Variants in RIMS1 observed in about 807,000 individuals in gnomAD.
RIMS1 encodes regulating synaptic membrane exocytosis 1.
In RIMS1, 83 loss-of-function variants were observed where a neutral mutation model predicts 214.1. The observed-to-expected ratio is 0.39, with a 90% CI of 0.32 to 0.47. The LOEUF (loss-of-function observed/expected upper bound fraction) is 0.47, where lower values mean the gene tolerates loss of function less well. Among genes scored for constraint, RIMS1 ranks in the 20% least tolerant of loss-of-function variants. The probability of loss-of-function intolerance (pLI) is 0.99; values close to 1 mark genes in which losing one functional copy is unlikely to be tolerated. For synonymous variants in RIMS1, 793 were observed against 786.8 expected (o/e 1.01, Z -0.13); for missense variants, 2,050 against 2,161.8 (o/e 0.95, Z 1.03).
chr6:72,140,777 C>T (rs913646563), intron 4 of RIMS1, among the ~76,000 whole-genome samples: 15 of 151,990 alleles, frequency 9.9e-5, no homozygotes, highest in African/African-American at 2.2e-4. Flanking sequence ...AGTTCAATTT[C>T]GTATTTCTGT....
intron 4 of RIMS1, among the ~76,000 whole-genome samples, chr6:72,114,458 T>A (rs1418701738): frequency 6.6e-6 from 1 of 152,006 alleles, no homozygotes; most frequent in East Asian, 1.9e-4. Context: ...TAAAATAAGA[T>A]CATTTGATTA....
intron 28 of RIMS1, among the ~76,000 whole-genome samples, chr6:72,332,123 T>C (rs1486977201): frequency 1.3e-5 from 2 of 151,866 alleles, no homozygotes; most frequent in African/African-American, 2.4e-5. Context: ...TTTATAATCA[T>C]ATTAGGATTT....
At chr6:72,150,261 G>A (rs2043355467) in intron 4 of RIMS1, among the ~76,000 whole-genome samples, 1 of 152,122 alleles carries the variant, frequency 6.6e-6, no homozygotes, top group South Asian at 2.1e-4. Flanking sequence ...AACAATTATG[G>A]AAAGGTAGGT....
intron 1 of RIMS1, among the ~76,000 whole-genome samples, chr6:71,918,507 A>G (rs910374914): frequency 6.6e-5 from 10 of 152,208 alleles, no homozygotes; most frequent in Admixed American, 3.9e-4. Flanking sequence ...AAAGAATGTG[A>G]AATTGCAAAG....
intron 1 of RIMS1, 52 bp from the exon 2 acceptor site, chr6:71,968,931 T>A (rs1795133987): frequency 2.0e-6 from 3 of 1,497,588 alleles, no homozygotes; most frequent in Non-Finnish European, 2.8e-6. Context: ...CTAGATGTGT[T>A]CTACCCTTTT....
At chr6:72,190,188 G>A (rs533560473) in intron 6 of RIMS1, among the ~76,000 whole-genome samples, 4 of 152,234 alleles carry the variant, frequency 2.6e-5, no homozygotes, top group South Asian at 2.1e-4. Context: ...AGTAGGCTGG[G>A]GAAGCTGGCT....
Position 71,912,913 on chromosome 6 carries a change from A to G in RIMS1, c.164+25726A>G, listed in dbSNP as rs138316227. Among the ~76,000 whole-genome samples, 185 of 152,274 alleles carry G rather than the reference A, an allele frequency of 1.2e-3. 2 individuals carry two copies. The highest frequency in any genetic ancestry group is 4.4e-3 in the African/African-American group (182 of 41,564). On this transcript the variant is annotated intron_variant, in intron 1 of 33. Transcript: ENST00000521978. ...CAAAAGACCAATACCTTTATTTCAA[A>G]ATTCTAAGTAAAAACAAATGTGAAA...
chr6:72,323,313 G>A (rs2064400), intron 28 of RIMS1, among the ~76,000 whole-genome samples: 13,396 of 151,902 alleles, frequency 0.088, 733 homozygotes, highest in East Asian at 0.14. Context: ...GGACTACCTG[G>A]CTAAACACTA....
intron 4 of RIMS1, among the ~76,000 whole-genome samples, chr6:72,104,781 T>C (rs994844501): frequency 6.6e-6 from 1 of 152,202 alleles, no homozygotes; most frequent in African/African-American, 2.4e-5. Context: ...TCAGATACTT[T>C]AAATGACTGT....
chr6:72,102,747 C>T (rs1335846347), intron 4 of RIMS1, among the ~76,000 whole-genome samples: 2 of 152,044 alleles, frequency 1.3e-5, no homozygotes, highest in Non-Finnish European at 2.9e-5. Context: ...CTCTCAAAGA[C>T]TCAACTCTTA....
chr6:72,053,295 G>T (rs1023782217), intron 2 of RIMS1, among the ~76,000 whole-genome samples: 4 of 152,092 alleles, frequency 2.6e-5, no homozygotes, highest in Admixed American at 2.6e-4. Context: ...CCTTCAATCT[G>T]ATTTTTTAGA....
chr6:72,289,845 A>G (rs755480218), intron 24 of RIMS1, among the ~76,000 whole-genome samples: 1 of 152,118 alleles, frequency 6.6e-6, no homozygotes, highest in South Asian at 2.1e-4. Flanking sequence ...AGGTGTTTTA[A>G]TCATGCATTT....
intron 2 of RIMS1, among the ~76,000 whole-genome samples, chr6:72,010,109 A>G (rs1006610535): frequency 3.0e-4 from 46 of 152,148 alleles, no homozygotes; most frequent in Non-Finnish European, 5.1e-4. Context: ...GAATCCAGCA[A>G]CACATCAAAA....
chr6:72,194,819 A>C (rs1199873034), intron 6 of RIMS1, among the ~76,000 whole-genome samples: 1 of 152,118 alleles, frequency 6.6e-6, no homozygotes, highest in East Asian at 1.9e-4. Context: ...AAAAATTGAG[A>C]TTAACAACCA....
At chr6:72,386,706 A>G (rs1177223411) in intron 29 of RIMS1, among the ~76,000 whole-genome samples, 1 of 145,452 alleles carries the variant, frequency 6.9e-6, no homozygotes, top group African/African-American at 2.5e-5. Flanking sequence ...TATCAGCGAT[A>G]TTGTATCTTC....
intron 2 of RIMS1, among the ~76,000 whole-genome samples, chr6:72,092,489 T>A (rs1274466156): frequency 6.6e-6 from 1 of 152,122 alleles, no homozygotes; most frequent in Non-Finnish European, 1.5e-5. Context: ...AGTTATAGAC[T>A]GAGAAAAAGC....
chr6:72,196,807 A>G (rs1234071340), intron 6 of RIMS1, among the ~76,000 whole-genome samples: 1 of 148,580 alleles, frequency 6.7e-6, no homozygotes, highest in Non-Finnish European at 1.5e-5. Flanking sequence ...TCAGGTAGGC[A>G]TGAGGGTGTG....
At chr6:72,320,637 A>G (rs995716435) in intron 28 of RIMS1, among the ~76,000 whole-genome samples, 1 of 152,024 alleles carries the variant, frequency 6.6e-6, no homozygotes, top group African/African-American at 2.4e-5. Context: ...AAAGAAAACT[A>G]CTAGAATGTT....
chr6:72,073,844 T>C (rs2152313674), intron 2 of RIMS1, among the ~76,000 whole-genome samples: 1 of 152,320 alleles, frequency 6.6e-6, no homozygotes, highest in East Asian at 1.9e-4. Context: ...TATAGCTAGG[T>C]CATTGCTTTG....
Sources: allele counts gnomAD v4.1 joint callset (sites outside exome capture counted in the v4.1 genomes callset), GRCh38; gene constraint gnomAD v4.1.1; transcripts MANE v1.5; gene names NCBI Gene and HGNC (gene_info 2026-07-23, HGNC 2026-07-21).